Variants in AUTS2 observed in about 807,000 individuals in gnomAD.
AUTS2 encodes autism susceptibility gene 2 protein.
In AUTS2, 17 loss-of-function variants were observed where a neutral mutation model predicts 112.4. The ratio of observed to expected loss-of-function variants is 0.15; its 90% CI spans 0.10 to 0.23. The LOEUF (loss-of-function observed/expected upper bound fraction) is 0.23, where lower values mean the gene tolerates loss of function less well. Among genes scored for constraint, AUTS2 ranks in the 10% least tolerant of loss-of-function variants. The pLI, the probability that AUTS2 is intolerant of heterozygous loss-of-function variation, is 1.00. For synonymous variants in AUTS2, 751 were observed against 702.7 expected (o/e 1.07, Z -1.09); for missense variants, 1,510 against 1,701.6 (o/e 0.89, Z 1.98).
chr7:70,423,665 A>G (rs1795314038), intron 4 of AUTS2, among the ~76,000 whole-genome samples: 2 of 152,202 alleles, frequency 1.3e-5, no homozygotes, highest in African/African-American at 4.8e-5. Context: ...CTAAAGAAAC[A>G]CTTCAAAATT....
chr7:70,109,252 C>G (rs1047621429), intron 2 of AUTS2, among the ~76,000 whole-genome samples: 2 of 152,046 alleles, frequency 1.3e-5, no homozygotes, highest in Admixed American at 1.3e-4. Context: ...CTCTAAATTA[C>G]TTTTTAATAA....
intron 5 of AUTS2, among the ~76,000 whole-genome samples, chr7:70,696,127 G>A (rs1193813788): frequency 1.3e-5 from 2 of 152,144 alleles, no homozygotes; most frequent in African/African-American, 2.4e-5. Flanking sequence ...TCAGACCCAA[G>A]GAACAAATCA....
chr7:69,915,236 G>A (rs1016015992), intron 2 of AUTS2, among the ~76,000 whole-genome samples: 11 of 152,144 alleles, frequency 7.2e-5, no homozygotes, highest in African/African-American at 2.7e-4. Context: ...CTTTCTTATT[G>A]TGCCATTTTT....
At chr7:70,077,487 A>G (rs1803091205) in intron 2 of AUTS2, among the ~76,000 whole-genome samples, 1 of 152,198 alleles carries the variant, frequency 6.6e-6, no homozygotes, top group Non-Finnish European at 1.5e-5. Context: ...TCACTTTTGT[A>G]ATCTCACAAA....
intron 4 of AUTS2, among the ~76,000 whole-genome samples, chr7:70,186,612 C>T (rs1317834024): frequency 6.6e-6 from 1 of 152,106 alleles, no homozygotes; most frequent in African/African-American, 2.4e-5. Context: ...CTCTGTCACC[C>T]GGGCTGGAGT....
Position 70,083,924 on chromosome 7 carries a change from G to A in AUTS2, c.523-34208G>A, listed in dbSNP as rs533029099. Among the ~76,000 whole-genome samples, 48 of 152,136 alleles carry A rather than the reference G, an allele frequency of 3.2e-4. 1 individual carries two copies. Among genetic ancestry groups the A allele is most frequent in the African/African-American group, 1.1e-3 (46 of 41,500 alleles). On this transcript the variant is annotated intron_variant, in intron 2 of 18. Coordinates refer to ENST00000342771, the MANE Select transcript of AUTS2 (RefSeq NM_015570.4). ...ATCATGACACTGTATTTTAGCTTGG[G>A]TGATAGAGCGAGATTCCATCTCAAA...
chr7:69,737,688 A>G (rs1046893836), intron 1 of AUTS2, among the ~76,000 whole-genome samples: 3 of 152,038 alleles, frequency 2.0e-5, no homozygotes, highest in African/African-American at 4.8e-5. Flanking sequence ...CCCCTTATAC[A>G]GTGTCTATTG....
At chr7:70,290,705 A>G (rs1225102306) in intron 4 of AUTS2, 1 of 1,279,082 alleles carries the variant, frequency 7.8e-7, no homozygotes, top group Non-Finnish European at 1.0e-6. Flanking sequence ...TCCTTTGACA[A>G]TTGTTAACCT....
At chr7:69,930,000 T>A (rs1329797968) in intron 2 of AUTS2, among the ~76,000 whole-genome samples, 1 of 152,230 alleles carries the variant, frequency 6.6e-6, no homozygotes, top group Non-Finnish European at 1.5e-5. Flanking sequence ...AAAACTTTGA[T>A]CACCTGGAGT....
intron 4 of AUTS2, among the ~76,000 whole-genome samples, chr7:70,348,767 T>C (rs984175478): frequency 5.9e-5 from 9 of 152,172 alleles, no homozygotes; most frequent in Admixed American, 3.9e-4. Flanking sequence ...GCCGAGATCA[T>C]GCCACTGCAC....
chr7:70,664,020 A>C (rs1035981565), intron 5 of AUTS2, among the ~76,000 whole-genome samples: 12 of 152,160 alleles, frequency 7.9e-5, no homozygotes, highest in Non-Finnish European at 1.6e-4. Flanking sequence ...GCAGAAATGA[A>C]ATTGTTGAGT....
chr7:70,309,302 G>A (rs558816272), intron 4 of AUTS2, among the ~76,000 whole-genome samples: 9 of 152,280 alleles, frequency 5.9e-5, no homozygotes, highest in South Asian at 2.1e-4. Context: ...AAACTTCTCA[G>A]GACCAGGTTT....
chr7:69,747,756 G>A (rs988883744), intron 1 of AUTS2, among the ~76,000 whole-genome samples: 2 of 51,278 alleles, frequency 3.9e-5, no homozygotes, highest in African/African-American at 2.1e-4. Context: ...GTATATGTAT[G>A]TGTGTGACAG....
At chr7:70,081,619 A>G (rs936397028) in intron 2 of AUTS2, among the ~76,000 whole-genome samples, 3 of 152,102 alleles carry the variant, frequency 2.0e-5, no homozygotes, top group African/African-American at 7.2e-5. Context: ...GCCTCTTTCT[A>G]CTTAAATAAG....
At position 70,771,812 on chromosome 7, in the gene AUTS2, C is replaced by G. The variant is rs1279550301; in HGVS notation, c.1830+168C>G. On this transcript the variant is annotated intron_variant, in intron 11 of 18. Transcript: ENST00000342771. ...ATTTTTCTTTTTTTTCCAAGTCCAT[C>G]TAGTTTTAAATGGCCGTGAAAATTT... 3.9e-5 allele frequency among the ~76,000 whole-genome samples: 6 copies of G among 152,276 alleles called. No individual in the cohort carries two copies. The East Asian group carries it at 1.2e-3, about 29-fold the overall frequency.
At chr7:70,560,430 T>C (rs1244695258) in intron 5 of AUTS2, among the ~76,000 whole-genome samples, 1 of 152,220 alleles carries the variant, frequency 6.6e-6, no homozygotes, top group Non-Finnish European at 1.5e-5. Context: ...TGGTCTTCCA[T>C]TGGAAAATCA....
At position 70,657,251 on chromosome 7, in the gene AUTS2, A is replaced by G. The variant is rs1585452079; in HGVS notation, c.691-41318A>G. Reference sequence around the variant, plus strand: ...TTAATGTCTGCCTACTCGGTTTTGCATGCAAGGATACATTATACAAGAAAA... The same window carrying G: ...TTAATGTCTGCCTACTCGGTTTTGCGTGCAAGGATACATTATACAAGAAAA... On this transcript the variant is annotated intron_variant, in intron 5 of 18. Transcript: ENST00000342771. Among the ~76,000 whole-genome samples the G allele has an allele frequency of 2.0e-5, 3 of 152,192 alleles. No homozygotes were observed. In the South Asian group the frequency reaches 6.2e-4, roughly 31 times the overall value.
intron 4 of AUTS2, among the ~76,000 whole-genome samples, chr7:70,155,784 A>G (rs1488015591): frequency 6.6e-6 from 1 of 152,176 alleles, no homozygotes; most frequent in Non-Finnish European, 1.5e-5. Context: ...CAAGTATTCA[A>G]GAGCTCAGAG....
intron 11 of AUTS2, 46 bp from the exon 12 acceptor site, chr7:70,773,982 C>T: frequency 6.4e-7 from 1 of 1,570,496 alleles, no homozygotes; most frequent in Non-Finnish European, 8.8e-7. Flanking sequence ...TTTCATGTCA[C>T]CTGTTTTGTG....
Sources: gnomAD v4.1 joint callset for allele counts (sites outside exome capture counted in the v4.1 genomes callset) on GRCh38, gnomAD v4.1.1 for gene constraint, MANE v1.5 for transcripts, NCBI Gene and HGNC (gene_info 2026-07-23, HGNC 2026-07-21) for gene names.